Variants in LINS1 observed in about 807,000 individuals in gnomAD.
The protein encoded by LINS1 is lines homolog 1.
LINS1 carries 27 observed loss-of-function variants against 41.6 expected under a neutral mutation model. The observed-to-expected ratio is 0.65, with a 90% CI of 0.48 to 0.89. The LOEUF (loss-of-function observed/expected upper bound fraction) is 0.89, where lower values mean the gene tolerates loss of function less well. Ranked by LOEUF, LINS1 falls within the 40% of genes least tolerant of loss-of-function variation. LINS1 has a pLI of 0.00. For missense variants in LINS1, 955 were observed against 884.1 expected (o/e 1.08, Z -1.02); for synonymous variants, 336 against 312.9 (o/e 1.07, Z -0.78).
chr15:100,575,768 T>C (rs1337307524), intron 3 of LINS1, among the ~76,000 whole-genome samples: 1 of 152,208 alleles, frequency 6.6e-6, no homozygotes, highest in Admixed American at 6.5e-5. Flanking sequence ...GACCACATAG[T>C]TGGAAGTAAA....
intron 1 of LINS1, among the ~76,000 whole-genome samples, chr15:100,590,606 T>A (rs890307481): frequency 6.6e-6 from 1 of 152,250 alleles, no homozygotes; most frequent in African/African-American, 2.4e-5. Flanking sequence ...GCTACAGTTA[T>A]GTAACAGACT....
chr15:100,581,788 G>A (rs1382845868), intron 1 of LINS1, among the ~76,000 whole-genome samples: 1 of 152,162 alleles, frequency 6.6e-6, no homozygotes, highest in African/African-American at 2.4e-5. Flanking sequence ...CTGATAAAGA[G>A]GCAACCCTCT....
chr15:100,595,376 C>A (rs1243288932), intron 1 of LINS1, among the ~76,000 whole-genome samples: 1 of 151,836 alleles, frequency 6.6e-6, no homozygotes, highest in Non-Finnish European at 1.5e-5. Context: ...ATCAGACATG[C>A]ACAGACATTT....
At chr15:100,599,420 T>C (rs1480842798) in intron 1 of LINS1, among the ~76,000 whole-genome samples, 1 of 152,222 alleles carries the variant, frequency 6.6e-6, no homozygotes, top group Non-Finnish European at 1.5e-5. Context: ...AATCATGTAC[T>C]TCAATCATTT....
chr15:100,595,333 A>G (rs1358343441), intron 1 of LINS1, among the ~76,000 whole-genome samples: 2 of 59,984 alleles, frequency 3.3e-5, no homozygotes, highest in African/African-American at 1.2e-4. Context: ...CCCAAAACTC[A>G]ACATTAAAAA....
chr15:100,586,293 T>C (rs924025681), intron 1 of LINS1: 3 of 152,272 alleles, frequency 2.0e-5, no homozygotes, highest in Non-Finnish European at 4.4e-5. Context: ...ATGTTCATTT[T>C]ACATATCTTG....
At chr15:100,596,479 A>G (rs1484685211) in intron 1 of LINS1, among the ~76,000 whole-genome samples, 4 of 152,200 alleles carry the variant, frequency 2.6e-5, no homozygotes, top group Non-Finnish European at 5.9e-5. Flanking sequence ...CCTGGCAATC[A>G]AGTTATAGAT....
intron 1 of LINS1, among the ~76,000 whole-genome samples, chr15:100,600,279 A>C (rs1489342460): frequency 6.6e-6 from 1 of 152,112 alleles, no homozygotes; most frequent in Non-Finnish European, 1.5e-5. Context: ...GACCAAATGG[A>C]GGAGAGACTT....
At chr15:100,588,955 G>A (rs1033139026) in intron 1 of LINS1, among the ~76,000 whole-genome samples, 3 of 152,172 alleles carry the variant, frequency 2.0e-5, no homozygotes, top group Admixed American at 1.3e-4. Flanking sequence ...ACTCTTAACT[G>A]TACAATTTGC....
intron 6 of LINS1, chr15:100,570,566 C>T (rs1018151715): frequency 6.5e-6 from 1 of 154,602 alleles, no homozygotes; most frequent in Non-Finnish European, 1.4e-5. Context: ...TCAGGTCTCC[C>T]CTGGGACTTT....
At chr15:100,570,357 T>C (rs1378922057) in intron 6 of LINS1, 2 of 436,666 alleles carry the variant, frequency 4.6e-6, no homozygotes, top group Non-Finnish European at 8.2e-6. Flanking sequence ...CCAATAAAAG[T>C]TACCTGTTGT....
At chr15:100,580,397 TA>T in intron 2 of LINS1, 45 bp from the exon 3 acceptor site, 1 of 1,606,160 alleles carries the variant, frequency 6.2e-7, no homozygotes. Context: ...TGAATGTTCT[TA>T]AAATTATTTT....
chr15:100,570,321 C>T, intron 6 of LINS1: 1 of 463,732 alleles, frequency 2.2e-6, no homozygotes. Context: ...AATCCACTGA[C>T]TTTGGCAGTT....
At position 100,572,694 on chromosome 15, in the gene LINS1, A is replaced by C. The variant is rs139466795; in HGVS notation, c.1223-629T>G. The C allele has an allele frequency of 5.1e-6, 5 of 986,276 alleles. No homozygotes were observed. The African/African-American group carries it at 7.0e-5, about 14-fold the overall frequency. The allele number at this position is 986,276 out of a possible 1,614,324, so 61.1% of individuals were successfully genotyped here. On this transcript the variant is annotated intron_variant, in intron 5 of 6. Transcript: ENST00000314742. ...CAGTGATGTCATTGCTCACAATTCA[A>C]ACTTTTCACTGAATCTGTATGCTGC...
chr15:100,572,659 C>G, intron 5 of LINS1: 1 of 987,288 alleles, frequency 1.0e-6, no homozygotes, highest in Non-Finnish European at 1.2e-6. Flanking sequence ...AAATTATATC[C>G]AAAGCAATTC....
Position 100,573,925 on chromosome 15 carries a change from A to T in LINS1, c.948T>A (p.Cys316Ter). The T allele has an allele frequency of 1.2e-6, 2 of 1,614,278 alleles. No homozygotes were observed. Among genetic ancestry groups the T allele is most frequent in the Non-Finnish European group, 1.7e-6 (2 of 1,180,052 alleles). ...CLLCKVGEDL[C>*]RGSVPALMPP... ...GCATTAAGGCAGGCACAGATCCACG[A>T]CAGAGGTCTTCACCCACTTTACAGA... The change falls in exon 5 of 7, where the codon TGT becomes TGA. Residue 316 changes from cysteine (C) to a stop codon, truncating the protein, a stop_gained. Coordinates refer to ENST00000314742, the MANE Select transcript of LINS1 (RefSeq NM_001040616.3). LOFTEE classifies it high-confidence loss of function.
intron 1 of LINS1, among the ~76,000 whole-genome samples, chr15:100,600,550 G>GAAAAAAAAAAAA (rs1567106000): frequency 6.3e-4 from 2 of 3,156 alleles, no homozygotes; most frequent in African/African-American, 1.5e-3. Flanking sequence ...CTGCTGTTAA[G>GAAAAAAAAAAAA]CAAAAAAAAA....
intron 4 of LINS1, 124 bp from the exon 5 acceptor site, chr15:100,574,365 A>C (rs1411574563): frequency 1.0e-5 from 7 of 700,386 alleles, no homozygotes; most frequent in Non-Finnish European, 1.7e-5. Flanking sequence ...TTTACCTCTA[A>C]CATTAACAAA....
intron 1 of LINS1, among the ~76,000 whole-genome samples, chr15:100,601,738 G>C (rs968756954): frequency 6.6e-6 from 1 of 152,038 alleles, no homozygotes; most frequent in African/African-American, 2.4e-5. Flanking sequence ...AATGAATAAA[G>C]TGCTTAACAA....
Sources: gnomAD v4.1 joint callset for allele counts (sites outside exome capture counted in the v4.1 genomes callset) on GRCh38, gnomAD v4.1.1 for gene constraint, MANE v1.5 for transcripts, NCBI Gene and HGNC (gene_info 2026-07-23, HGNC 2026-07-21) for gene names.